ANKRD44: variants seen among roughly 807,000 people sequenced by gnomAD.
The protein encoded by ANKRD44 is ankyrin repeat domain 44, also known as serine/threonine-protein phosphatase 6 regulatory ankyrin repeat subunit B.
A neutral mutation model predicts 116.0 loss-of-function variants in ANKRD44; 35 were observed. The observed-to-expected ratio is 0.30, with a 90% confidence interval of 0.23 to 0.40. The LOEUF (loss-of-function observed/expected upper bound fraction) is 0.40. Among genes scored for constraint, ANKRD44 ranks in the 10% least tolerant of loss-of-function variants. The probability of loss-of-function intolerance (pLI) is 1.00; values close to 1 mark genes in which losing one functional copy is unlikely to be tolerated. For synonymous variants in ANKRD44, 435 were observed against 461.8 expected, an observed-to-expected ratio of 0.94 and a Z score of 0.74; for missense variants, 1,014 against 1,242.6, an observed-to-expected ratio of 0.82 and a Z score of 2.77.
chr2:197,118,108 G>C (rs138683828), intron 8 of ANKRD44, among the ~76,000 whole-genome samples: 4,216 of 151,988 alleles, frequency 0.028, 88 homozygotes, highest in Non-Finnish European at 0.042. Flanking sequence ...AGCTACTCGG[G>C]AGGCTGAGGC....
chr2:197,073,629 T>G (rs2077605253), intron 16 of ANKRD44, among the ~76,000 whole-genome samples: 1 of 152,172 alleles, frequency 6.6e-6, no homozygotes, highest in South Asian at 2.1e-4. Flanking sequence ...ATAAGATATC[T>G]AAGCAATCTC....
At chr2:196,983,229 A>T (rs76948251), downstream of ANKRD44, among the ~76,000 whole-genome samples, 2 of 152,136 alleles carry the variant, frequency 1.3e-5, no homozygotes, top group Non-Finnish European at 2.9e-5. Flanking sequence ...GAAAAAAAAA[A>T]TCAGACCACA....
At chr2:197,208,537 G>T (rs185307684) in intron 1 of ANKRD44, among the ~76,000 whole-genome samples, 2 of 152,246 alleles carry the variant, frequency 1.3e-5, no homozygotes, top group East Asian at 3.9e-4. Flanking sequence ...GCTCACACCT[G>T]TAATCCCAAT....
chr2:196,983,629 G>T (rs2075817972), downstream of ANKRD44, among the ~76,000 whole-genome samples: 2 of 152,168 alleles, frequency 1.3e-5, no homozygotes, highest in South Asian at 4.1e-4. Context: ...TAAGCTTTTT[G>T]TGCTCTAAAA....
At chr2:197,145,492 AAAC>A (rs2079477059) in intron 3 of ANKRD44, among the ~76,000 whole-genome samples, 1 of 152,198 alleles carries the variant, frequency 6.6e-6, no homozygotes, top group Non-Finnish European at 1.5e-5. Context: ...TGCCAACACC[AAAC>A]AATACACATT....
At chr2:197,266,294 T>C (rs2082739622) in intron 1 of ANKRD44, among the ~76,000 whole-genome samples, 1 of 152,116 alleles carries the variant, frequency 6.6e-6, no homozygotes, top group South Asian at 2.1e-4. Context: ...TTTGATAATT[T>C]TTAGAAAGCC....
intron 1 of ANKRD44, among the ~76,000 whole-genome samples, chr2:197,216,557 C>T (rs2081446865): frequency 6.6e-6 from 1 of 152,064 alleles, no homozygotes; most frequent in Non-Finnish European, 1.5e-5. Flanking sequence ...GGTGCATTAT[C>T]CAGGCTGACC....
chr2:196,967,265 C>T lies in ANKRD44; in HGVS notation c.*174G>A, dbSNP rs76829105. 3.7e-3 allele frequency: 1,075 copies of T among 288,998 alleles called. 13 individuals are homozygous for T. The highest frequency in any genetic ancestry group is 0.022 in the African/African-American group (1,015 of 46,136). 17.9% of individuals were successfully genotyped at this position (288,998 alleles called of 1,614,324 possible). ...TTGGAAAATAAAGGGTGCGTGCTTC[C>T]CAATCACAGACAGGCAAGGCGAATC... On this transcript the variant is annotated 3_prime_UTR_variant, in exon 22 of 22. Transcript: ENST00000424317.
chr2:197,142,715 A>G (rs2079396246), intron 3 of ANKRD44, among the ~76,000 whole-genome samples: 1 of 152,234 alleles, frequency 6.6e-6, no homozygotes, highest in African/African-American at 2.4e-5. Context: ...TCAAAGGACG[A>G]ATATTTGTTA....
downstream of ANKRD44, among the ~76,000 whole-genome samples, chr2:196,983,591 G>A (rs2075817814): frequency 6.6e-6 from 1 of 152,072 alleles, no homozygotes; most frequent in African/African-American, 2.4e-5. Context: ...GAATTTGCTG[G>A]GTACTTTCAA....
Position 197,147,784 on chromosome 2 carries a change from C to A in ANKRD44, c.112-679G>T, listed in dbSNP as rs1422079935. ...ACATGAGATTATTTCAGATAAAACA[C>A]CGTATGGGATTAAGTGATTCAGGAG... On this transcript the variant is annotated intron_variant, in intron 2 of 27. Transcript: ENST00000282272. 15 of 405,628 alleles carry A rather than the reference C, an allele frequency of 3.7e-5. No homozygotes were observed. In the East Asian group the frequency reaches 1.1e-3, roughly 30 times the overall value. 25.1% of individuals were successfully genotyped at this position (405,628 alleles called of 1,614,324 possible).
intron 1 of ANKRD44, among the ~76,000 whole-genome samples, chr2:197,218,912 A>T (rs1279022071): frequency 6.6e-6 from 1 of 150,428 alleles, no homozygotes; most frequent in Admixed American, 6.6e-5. Flanking sequence ...GGCACCCACC[A>T]CCACGCCCAG....
In ANKRD44 at chr2:197,185,176, A is replaced by C. The variant is rs373003599; in HGVS notation, c.111+1847T>G. On this transcript the variant is annotated intron_variant, in intron 2 of 27. Transcript: ENST00000282272. ...GCCTTGGCTCAGAAGCACAGGTCGC[A>C]ACCCGCAGGCCCTGGACAAATGCCC... Among the ~76,000 whole-genome samples the C allele has an allele frequency of 1.4e-3, 218 of 152,344 alleles. 1 individual carries two copies. Among genetic ancestry groups the C allele is most frequent in the African/African-American group, 4.9e-3 (205 of 41,574 alleles).
chr2:196,991,280 C>G (rs1209268416), intron 27 of ANKRD44, among the ~76,000 whole-genome samples: 1 of 152,128 alleles, frequency 6.6e-6, no homozygotes, highest in African/African-American at 2.4e-5. Context: ...ACAGGACAAT[C>G]AGGAGGATGT....
chr2:197,120,525 T>A (rs2078827437), intron 8 of ANKRD44, among the ~76,000 whole-genome samples: 1 of 151,952 alleles, frequency 6.6e-6, no homozygotes, highest in Non-Finnish European at 1.5e-5. Context: ...GTGGTGCATG[T>A]CTGTAATCCC....
chr2:197,063,022 C>T (rs947994471), intron 16 of ANKRD44, among the ~76,000 whole-genome samples: 1 of 152,228 alleles, frequency 6.6e-6, no homozygotes, highest in African/African-American at 2.4e-5. Flanking sequence ...ACTGCCTCCT[C>T]AAGTGGGTCC....
chr2:197,253,467 G>A (rs1001458719), intron 1 of ANKRD44, among the ~76,000 whole-genome samples: 3 of 151,900 alleles, frequency 2.0e-5, no homozygotes, highest in Admixed American at 6.6e-5. Flanking sequence ...TTCCACATAC[G>A]TCAATAAAAA....
chr2:197,140,222 A>G (rs991538166), intron 3 of ANKRD44, among the ~76,000 whole-genome samples: 3 of 152,166 alleles, frequency 2.0e-5, no homozygotes, highest in Non-Finnish European at 4.4e-5. Flanking sequence ...AAGGTCCTGT[A>G]AAGCCTCTAA....
intron 1 of ANKRD44, chr2:197,302,566 C>G (rs1290848283): frequency 2.0e-5 from 3 of 152,200 alleles, no homozygotes; most frequent in African/African-American, 4.8e-5. Flanking sequence ...GTAGGCCACA[C>G]CTACTTTTGG....
Sources: allele counts gnomAD v4.1 joint callset (sites outside exome capture counted in the v4.1 genomes callset), GRCh38; gene constraint gnomAD v4.1.1; transcripts MANE v1.5; gene names NCBI Gene and HGNC (gene_info 2026-07-23, HGNC 2026-07-21).